The following TGFBR3 variants were observed in gnomAD, a reference collection of about 807,000 sequenced individuals.
The protein encoded by TGFBR3 is transforming growth factor beta receptor 3.
In TGFBR3, 46 loss-of-function variants were observed where a neutral mutation model predicts 87.9. The observed-to-expected ratio is 0.52, with a 90% confidence interval of 0.41 to 0.67. The LOEUF (loss-of-function observed/expected upper bound fraction) is 0.67. Among genes scored for constraint, TGFBR3 ranks in the 30% least tolerant of loss-of-function variants. TGFBR3 has a pLI of 0.00. For missense variants in TGFBR3, 866 were observed against 1,041.9 expected, an observed-to-expected ratio of 0.83 and a Z score of 2.32; for synonymous variants, 381 against 391.6, an observed-to-expected ratio of 0.97 and a Z score of 0.32.
At chr1:91,726,762 C>T (rs1672562216) in intron 7 of TGFBR3, among the ~76,000 whole-genome samples, 1 of 115,658 alleles carries the variant, frequency 8.6e-6, no homozygotes, top group Admixed American at 1.1e-4. Context: ...TCAGCTTACT[C>T]AGTGCAGGAA....
chr1:91,875,865 C>T (rs1303766663), intron 1 of TGFBR3, among the ~76,000 whole-genome samples: 1 of 116,162 alleles, frequency 8.6e-6, no homozygotes, highest in Non-Finnish European at 1.6e-5. Flanking sequence ...GAGCCAACGT[C>T]GTGCCAATGC....
chr1:91,842,190 T>C (rs540827434), intron 2 of TGFBR3, among the ~76,000 whole-genome samples: 1 of 152,126 alleles, frequency 6.6e-6, no homozygotes, highest in East Asian at 1.9e-4. Flanking sequence ...GGAGCTTACA[T>C]TTTAGTGGGG....
At chr1:91,762,637 G>C (rs997087602) in intron 3 of TGFBR3, among the ~76,000 whole-genome samples, 1 of 152,198 alleles carries the variant, frequency 6.6e-6, no homozygotes, top group Admixed American at 6.5e-5. Flanking sequence ...CGGTATTCCT[G>C]ATGGTGTGAG....
chr1:91,904,079 G>A (rs1570352515), intron 1 of TGFBR3, among the ~76,000 whole-genome samples: 1 of 152,226 alleles, frequency 6.6e-6, no homozygotes, highest in Middle Eastern at 3.4e-3. Flanking sequence ...AGCTACTCGG[G>A]AGGCTGAGAC....
At chr1:91,894,150 C>T (rs1679505407) in intron 2 of TGFBR3, among the ~76,000 whole-genome samples, 1 of 152,162 alleles carries the variant, frequency 6.6e-6, no homozygotes, top group African/African-American at 2.4e-5. Flanking sequence ...CTTCCCACCA[C>T]ATCTGCCGAT....
chr1:91,796,358 G>C (rs1410027038), intron 3 of TGFBR3, among the ~76,000 whole-genome samples: 1 of 152,218 alleles, frequency 6.6e-6, no homozygotes, highest in Non-Finnish European at 1.5e-5. Flanking sequence ...GAGTATAATT[G>C]TAGGATTCAT....
chr1:91,708,469 T>G (rs1671869484), intron 14 of TGFBR3, among the ~76,000 whole-genome samples, 194 bp downstream of exon 14: 1 of 152,192 alleles, frequency 6.6e-6, no homozygotes, highest in Non-Finnish European at 1.5e-5. Flanking sequence ...AATAGATTAC[T>G]TACAACTAAG....
At chr1:91,691,740 G>T (rs139635955) in intron 16 of TGFBR3, among the ~76,000 whole-genome samples, 1 of 152,182 alleles carries the variant, frequency 6.6e-6, no homozygotes, top group Non-Finnish European at 1.5e-5. Flanking sequence ...GGAGGGAACC[G>T]GTTCAGACAG....
rs796662002 is a variant in TGFBR3 at position 91,875,788 on chromosome 1, G to A, written c.-114+10090C>T. Among the ~76,000 whole-genome samples the A allele has an allele frequency of 7.4e-4, 46 of 62,444 alleles. 8 individuals carry two copies. In the East Asian group the frequency reaches 0.018, roughly 25 times the overall value. 41.0% of individuals were successfully genotyped at this position (62,444 alleles called of 152,430 possible). A position where few individuals can be genotyped will look rare whatever the true frequency, so the allele number is the denominator to read the frequency against. ...CTGTAATCCCAGCTACTCGGGCGGGGGGGGGGGGTGGGAGTGTGCAGCTGA... is the reference window on the plus strand; with the variant it reads ...CTGTAATCCCAGCTACTCGGGCGGGAGGGGGGGGTGGGAGTGTGCAGCTGA... On this transcript the variant is annotated intron_variant, in intron 1 of 16. Coordinates refer to ENST00000212355, the MANE Select transcript of TGFBR3 (RefSeq NM_003243.5).
chr1:91,801,547 C>A (rs1214946489), intron 2 of TGFBR3, among the ~76,000 whole-genome samples: 1 of 152,040 alleles, frequency 6.6e-6, no homozygotes, highest in Non-Finnish European at 1.5e-5. Flanking sequence ...TGAGATCTAC[C>A]GTTTTGTAAC....
intron 3 of TGFBR3, among the ~76,000 whole-genome samples, chr1:91,795,336 C>T (rs1360760174): frequency 2.0e-5 from 3 of 152,210 alleles, no homozygotes; most frequent in Non-Finnish European, 4.4e-5. Flanking sequence ...AAGTTTGAGA[C>T]TACCCTTTGT....
At chr1:91,774,148 C>CT (rs397729583) in intron 3 of TGFBR3, among the ~76,000 whole-genome samples, 46,020 of 147,942 alleles carry the variant, frequency 0.31, 7,230 homozygotes, top group South Asian at 0.42. Context: ...ATATACTTTT[C>CT]TTTTTTTTTT....
At chr1:91,782,910 T>C (rs1674826802) in intron 3 of TGFBR3, among the ~76,000 whole-genome samples, 1 of 152,000 alleles carries the variant, frequency 6.6e-6, no homozygotes, top group African/African-American at 2.4e-5. Context: ...CGTAAACGGG[T>C]CCACAGGCAT....
intron 14 of TGFBR3, among the ~76,000 whole-genome samples, chr1:91,699,490 A>G (rs1336193555): frequency 1.8e-5 from 2 of 109,270 alleles, no homozygotes; most frequent in Admixed American, 1.4e-4. Flanking sequence ...AGTCATCTGT[A>G]TATCCCCAAG....
At chr1:91,698,182 G>A (rs2100722958) in intron 14 of TGFBR3, 52 bp from the exon 15 acceptor site, 1 of 1,489,940 alleles carries the variant, frequency 6.7e-7, no homozygotes, top group Non-Finnish European at 9.4e-7. Context: ...CAAGATTTAA[G>A]CAAAGGGTCA....
chr1:91,791,933 T>C (rs1027950495), intron 3 of TGFBR3, among the ~76,000 whole-genome samples: 1 of 152,214 alleles, frequency 6.6e-6, no homozygotes, highest in Non-Finnish European at 1.5e-5. Flanking sequence ...ATGTGAGAGC[T>C]GTTAAGAGGC....
chr1:91,857,230 A>G (rs1040213288), intron 2 of TGFBR3, among the ~76,000 whole-genome samples: 1 of 152,176 alleles, frequency 6.6e-6, no homozygotes, highest in Non-Finnish European at 1.5e-5. Flanking sequence ...GAGAGCATCC[A>G]AACCACAGAA....
intron 16 of TGFBR3, among the ~76,000 whole-genome samples, chr1:91,684,728 G>A (rs1274555664): frequency 1.3e-5 from 2 of 152,114 alleles, no homozygotes; most frequent in East Asian, 1.9e-4. Flanking sequence ...CGGCAAAACC[G>A]GCCTCAGTGC....
intron 12 of TGFBR3, among the ~76,000 whole-genome samples, chr1:91,713,023 A>C (rs1215448988): frequency 6.6e-6 from 1 of 152,204 alleles, no homozygotes; most frequent in Non-Finnish European, 1.5e-5. Flanking sequence ...TGAGCTTCTA[A>C]ATTGCAAAAA....
Sources: gnomAD v4.1 joint callset for allele counts (sites outside exome capture counted in the v4.1 genomes callset) on GRCh38, gnomAD v4.1.1 for gene constraint, MANE v1.5 for transcripts, NCBI Gene and HGNC (gene_info 2026-07-23, HGNC 2026-07-21) for gene names.